The following JAK1 variants were observed in gnomAD, a reference collection of about 807,000 sequenced individuals.
The protein encoded by JAK1 is Janus kinase 1.
JAK1 carries 16 observed loss-of-function variants against 136.6 expected under a neutral mutation model. The ratio of observed to expected loss-of-function variants is 0.12; its 90% CI spans 0.08 to 0.18. JAK1 has a LOEUF of 0.18. Among genes scored for constraint, JAK1 ranks in the 10% least tolerant of loss-of-function variants. The pLI, the probability that JAK1 is intolerant of heterozygous loss-of-function variation, is 1.00. For synonymous variants in JAK1, 492 were observed against 519.5 expected, an observed-to-expected ratio of 0.95 and a Z score of 0.72; for missense variants, 859 against 1,450.1, an observed-to-expected ratio of 0.59 and a Z score of 6.62.
intron 1 of JAK1, among the ~76,000 whole-genome samples, chr1:64,965,586 G>A (rs1469314033): frequency 1.3e-5 from 2 of 152,164 alleles, no homozygotes; most frequent in South Asian, 2.1e-4. Flanking sequence ...GGATGGAGTT[G>A]GAGTGAGGGA....
At chr1:64,977,217 A>G (rs1167810611) in intron 2 of JAK1, among the ~76,000 whole-genome samples, 1 of 152,038 alleles carries the variant, frequency 6.6e-6, no homozygotes, top group Non-Finnish European at 1.5e-5. Flanking sequence ...TGGCACAACC[A>G]CAGCTCACTC....
chr1:65,059,418 A>C (rs1647694533), intron 1 of JAK1, among the ~76,000 whole-genome samples: 1 of 152,236 alleles, frequency 6.6e-6, no homozygotes, highest in South Asian at 2.1e-4. Flanking sequence ...GCACATTAGC[A>C]AAAATGACTT....
chr1:65,046,891 T>C (rs1647188804), intron 1 of JAK1, among the ~76,000 whole-genome samples: 3 of 146,252 alleles, frequency 2.1e-5, no homozygotes, highest in Non-Finnish European at 4.5e-5. Context: ...TTTTTTTTTT[T>C]GGTTAACTTT....
At chr1:64,915,519 T>C (rs1645379940) in intron 1 of JAK1, among the ~76,000 whole-genome samples, 1 of 152,160 alleles carries the variant, frequency 6.6e-6, no homozygotes, top group African/African-American at 2.4e-5. Context: ...AAGAATCCCG[T>C]TGGCCACTCC....
chr1:64,952,538 T>C (rs908105712), intron 1 of JAK1, among the ~76,000 whole-genome samples: 4 of 152,210 alleles, frequency 2.6e-5, no homozygotes, highest in East Asian at 3.9e-4. Context: ...AAATGTTCAG[T>C]TTCCACCCAA....
At chr1:64,871,196 G>T (rs182160136) in intron 5 of JAK1, among the ~76,000 whole-genome samples, 1 of 152,204 alleles carries the variant, frequency 6.6e-6, no homozygotes, top group Non-Finnish European at 1.5e-5. Flanking sequence ...TGTCTCTATG[G>T]CAGTTCTAAG....
chr1:64,954,560 T>C (rs925741362), intron 1 of JAK1, among the ~76,000 whole-genome samples: 2 of 152,246 alleles, frequency 1.3e-5, no homozygotes, highest in African/African-American at 4.8e-5. Flanking sequence ...CCTTTTTGCC[T>C]GTTTTATATA....
intron 2 of JAK1, chr1:65,023,194 C>T (rs1364911582): frequency 3.3e-5 from 5 of 152,138 alleles, no homozygotes; most frequent in Admixed American, 2.0e-4. Flanking sequence ...CCTCAATCCC[C>T]TAGGCTTAAG....
chr1:64,940,509 G>A (rs2100512924), intron 1 of JAK1, among the ~76,000 whole-genome samples: 1 of 152,066 alleles, frequency 6.6e-6, no homozygotes, highest in African/African-American at 2.4e-5. Flanking sequence ...TAGAGATGGA[G>A]TTTCACCATG....
intron 2 of JAK1, among the ~76,000 whole-genome samples, chr1:64,981,496 C>T (rs1646545658): frequency 6.6e-6 from 1 of 152,176 alleles, no homozygotes; most frequent in Non-Finnish European, 1.5e-5. Flanking sequence ...CCTGTGGGAG[C>T]TTTATGATTT....
At chr1:64,971,917 A>G (rs1347714427) in intron 2 of JAK1, among the ~76,000 whole-genome samples, 1 of 152,148 alleles carries the variant, frequency 6.6e-6, no homozygotes, top group Non-Finnish European at 1.5e-5. Context: ...AAAAAACTAC[A>G]CTTGAAGAAG....
chr1:64,857,026 C>T (rs1444545389), intron 10 of JAK1, among the ~76,000 whole-genome samples: 1 of 152,198 alleles, frequency 6.6e-6, no homozygotes, highest in Non-Finnish European at 1.5e-5. Context: ...ACATGAATAA[C>T]AAAGGCATTT....
chr1:64,879,498 C>A (rs920844345), intron 3 of JAK1, among the ~76,000 whole-genome samples: 10 of 152,166 alleles, frequency 6.6e-5, no homozygotes, highest in African/African-American at 2.4e-4. Flanking sequence ...ACAGATCCTG[C>A]CTGATGTGCA....
intron 22 of JAK1, among the ~76,000 whole-genome samples, chr1:64,837,160 T>C (rs994527231): frequency 2.0e-5 from 3 of 152,232 alleles, no homozygotes; most frequent in Admixed American, 6.5e-5. Flanking sequence ...TCCTGCTCCA[T>C]GCCGTTGGCT....
chr1:64,868,054 C>G (rs553336714), intron 6 of JAK1, among the ~76,000 whole-genome samples: 21 of 151,820 alleles, frequency 1.4e-4, no homozygotes, highest in Non-Finnish European at 2.1e-4. Context: ...GAAAGACATA[C>G]TAAAGCTAAT....
At chr1:64,870,619 A>G (rs187596601) in intron 5 of JAK1, among the ~76,000 whole-genome samples, 5 of 152,230 alleles carry the variant, frequency 3.3e-5, no homozygotes, top group African/African-American at 9.6e-5. Context: ...TAAAGTACAT[A>G]GAACACTAAA....
chr1:64,911,238 C>T (rs925678028), intron 1 of JAK1, among the ~76,000 whole-genome samples: 9 of 152,054 alleles, frequency 5.9e-5, no homozygotes, highest in Admixed American at 2.6e-4. Context: ...CTTCCTACTT[C>T]GAAAGATTAA....
intron 1 of JAK1, among the ~76,000 whole-genome samples, chr1:64,960,323 C>A (rs1458614433): frequency 1.3e-5 from 2 of 152,206 alleles, no homozygotes; most frequent in African/African-American, 4.8e-5. Context: ...CTCAAAACAA[C>A]CTCAGAGGTA....
intron 2 of JAK1, among the ~76,000 whole-genome samples, chr1:65,003,013 CTTTTT>C (rs11410336): frequency 1.7e-5 from 2 of 119,882 alleles, no homozygotes; most frequent in Non-Finnish European, 3.4e-5. Context: ...GACAACCTAG[CTTTTT>C]TTTTTTTTTT....
Sources: gnomAD v4.1 joint callset for allele counts (sites outside exome capture counted in the v4.1 genomes callset) on GRCh38, gnomAD v4.1.1 for gene constraint, MANE v1.5 for transcripts, NCBI Gene and HGNC (gene_info 2026-07-23, HGNC 2026-07-21) for gene names.